CNTN5: variants seen among roughly 807,000 people sequenced by gnomAD.
CNTN5 encodes the protein contactin 5.
In CNTN5, 77 loss-of-function variants were observed where a neutral mutation model predicts 129.1. That is an observed-to-expected ratio of 0.60 (90% CI 0.50 to 0.72). The LOEUF (loss-of-function observed/expected upper bound fraction) is 0.72. CNTN5 is among the 30% of genes least tolerant of loss of function. CNTN5 has a pLI of 0.00. For missense variants in CNTN5, 1,478 were observed against 1,328.8 expected (o/e 1.11, Z -1.75); for synonymous variants, 509 against 465.6 (o/e 1.09, Z -1.20).
chr11:99,317,704 A>G lies in CNTN5; in HGVS notation c.-209-7642A>G, dbSNP rs184581178. ...TTGTTTCGTACATTTAATCTTCTTT[A>G]TGATTTTAGCGTTGCTACTGCTTTG... On this transcript the variant is annotated intron_variant, in intron 1 of 24. Transcript: ENST00000524871. 2.3e-3 allele frequency among the ~76,000 whole-genome samples: 349 copies of G among 152,288 alleles called. 5 individuals are homozygous for G. Among genetic ancestry groups the G allele is most frequent in the South Asian group, 8.3e-4 (4 of 4,830 alleles).
In CNTN5 at chr11:99,970,140, C is replaced by G. The variant is rs138920496; in HGVS notation, c.877+13131C>G. On this transcript the variant is annotated intron_variant, in intron 8 of 24. Transcript: ENST00000524871. ...ATCTGCAATGTCATTCTTAGCCATT[C>G]CTTTCTTCCCACTTCTAATTCCAAC... Among the ~76,000 whole-genome samples, 392 of 152,220 alleles carry G rather than the reference C, an allele frequency of 2.6e-3. 1 individual carries two copies. Among genetic ancestry groups the G allele is most frequent in the African/African-American group, 9.2e-3 (381 of 41,526 alleles).
At chr11:99,446,965 G>C (rs1944097843) in intron 2 of CNTN5, among the ~76,000 whole-genome samples, 1 of 152,014 alleles carries the variant, frequency 6.6e-6, no homozygotes, top group South Asian at 2.1e-4. Flanking sequence ...GTATTTATAA[G>C]CTTTTTCATG....
At chr11:99,122,001 T>C (rs74825494) in intron 1 of CNTN5, among the ~76,000 whole-genome samples, 8,858 of 152,060 alleles carry the variant, frequency 0.058, 271 homozygotes, top group African/African-American at 0.075. Context: ...ATTTTTATTA[T>C]ACTTTAAGTT....
intron 23 of CNTN5, among the ~76,000 whole-genome samples, chr11:100,348,042 G>T (rs1354735559): frequency 6.6e-6 from 1 of 151,306 alleles, no homozygotes; most frequent in Non-Finnish European, 1.5e-5. Flanking sequence ...ATAACCCACT[G>T]CTCTCAGTTT....
At chr11:99,759,798 A>G (rs1268967325) in intron 3 of CNTN5, among the ~76,000 whole-genome samples, 1 of 152,078 alleles carries the variant, frequency 6.6e-6, no homozygotes, top group African/African-American at 2.4e-5. Context: ...AAAGCATTTA[A>G]AAGAAAGAAA....
intron 18 of CNTN5, among the ~76,000 whole-genome samples, chr11:100,287,300 A>C (rs1472359424): frequency 6.6e-6 from 1 of 151,770 alleles, no homozygotes; most frequent in Non-Finnish European, 1.5e-5. Flanking sequence ...CAAGACACAT[A>C]ATTGTCAGAT....
intron 3 of CNTN5, among the ~76,000 whole-genome samples, chr11:99,815,021 C>T (rs1394219608): frequency 6.7e-6 from 1 of 148,502 alleles, no homozygotes. Context: ...CTCACTATCA[C>T]AAGAACAGCA....
At chr11:99,775,127 G>A (rs1945079553) in intron 3 of CNTN5, among the ~76,000 whole-genome samples, 1 of 152,020 alleles carries the variant, frequency 6.6e-6, no homozygotes, top group Admixed American at 6.6e-5. Context: ...GCCATACTGA[G>A]TGGTTTTTAC....
At chr11:99,703,683 A>G (rs1201241416) in intron 3 of CNTN5, among the ~76,000 whole-genome samples, 2 of 150,986 alleles carry the variant, frequency 1.3e-5, no homozygotes, top group African/African-American at 4.8e-5. Context: ...AGCCACAGAC[A>G]TATCTAATGA....
intron 2 of CNTN5, among the ~76,000 whole-genome samples, chr11:99,334,847 A>C (rs1391905340): frequency 6.6e-6 from 1 of 151,768 alleles, no homozygotes; most frequent in African/African-American, 2.4e-5. Flanking sequence ...CTTAATTGTT[A>C]CTATTATTTT....
chr11:99,736,411 C>T (rs10790940), intron 3 of CNTN5, among the ~76,000 whole-genome samples: 22,171 of 152,056 alleles, frequency 0.15, 1,680 homozygotes, highest in Middle Eastern at 0.18. Flanking sequence ...ATGTAAGGGT[C>T]TGATGAAGAA....
chr11:99,128,583 G>T (rs2135426653), intron 1 of CNTN5, among the ~76,000 whole-genome samples: 1 of 152,304 alleles, frequency 6.6e-6, no homozygotes. Flanking sequence ...AGAGGAGGGG[G>T]ACTCCCCCAG....
At position 99,528,972 on chromosome 11, in the gene CNTN5, G is replaced by C. The variant is rs148427254; in HGVS notation, c.-70-27173G>C. On this transcript the variant is annotated intron_variant, in intron 2 of 24. Transcript: ENST00000524871. ...ACCAGCTAATACCAGCTACTAGGGA[G>C]GCTGAGGCAGAAGAATTGCTTGAAC... Among the ~76,000 whole-genome samples the C allele has an allele frequency of 1.6e-4, 24 of 152,266 alleles. No homozygotes were observed. The East Asian group carries it at 4.6e-3, about 29-fold the overall frequency.
intron 21 of CNTN5, among the ~76,000 whole-genome samples, chr11:100,316,651 A>T (rs932447083): frequency 6.6e-6 from 1 of 152,212 alleles, no homozygotes. Flanking sequence ...AATAAAAATG[A>T]AACTTTTTTC....
intron 1 of CNTN5, among the ~76,000 whole-genome samples, chr11:99,130,756 A>T (rs1858893783): frequency 6.6e-6 from 1 of 152,174 alleles, no homozygotes; most frequent in Non-Finnish European, 1.5e-5. Flanking sequence ...ATCATAAGAA[A>T]CAGTCCATCA....
chr11:99,467,148 G>GT (rs1171381852), intron 2 of CNTN5, among the ~76,000 whole-genome samples: 1 of 151,922 alleles, frequency 6.6e-6, no homozygotes, highest in Non-Finnish European at 1.5e-5. Flanking sequence ...GAGACACAGT[G>GT]TTTTTTTATG....
intron 15 of CNTN5, among the ~76,000 whole-genome samples, chr11:100,216,292 T>C (rs1156541369): frequency 6.6e-6 from 1 of 152,122 alleles, no homozygotes; most frequent in African/African-American, 2.4e-5. Context: ...CTGACTATTC[T>C]GCAATGTAAA....
At chr11:99,822,409 C>G (rs1007899816) in intron 4 of CNTN5, among the ~76,000 whole-genome samples, 1 of 152,008 alleles carries the variant, frequency 6.6e-6, no homozygotes, top group African/African-American at 2.4e-5. Context: ...AGAACTAAAA[C>G]TGTTAAAGTG....
At chr11:99,318,206 G>C (rs1565487049) in intron 1 of CNTN5, among the ~76,000 whole-genome samples, 2 of 152,102 alleles carry the variant, frequency 1.3e-5, no homozygotes, top group South Asian at 2.1e-4. Flanking sequence ...AAGCCAAAAG[G>C]ACAGAAGAAA....
Sources: allele counts gnomAD v4.1 joint callset (sites outside exome capture counted in the v4.1 genomes callset), GRCh38; gene constraint gnomAD v4.1.1; transcripts MANE v1.5; gene names NCBI Gene and HGNC (gene_info 2026-07-23, HGNC 2026-07-21).